Variants in KCNA6 observed in about 807,000 individuals in gnomAD.
KCNA6 encodes human brain potassium channel-2.
Under a neutral mutation model 29.5 loss-of-function variants are expected in KCNA6, and 17 were observed. That is an observed-to-expected ratio of 0.58 (90% CI 0.39 to 0.86). The LOEUF (loss-of-function observed/expected upper bound fraction) is 0.86. Among genes scored for constraint, KCNA6 ranks in the 40% least tolerant of loss-of-function variants. The pLI is 0.00. For missense variants in KCNA6, 450 were observed against 703.4 expected (o/e 0.64, Z 4.07); for synonymous variants, 296 against 304.7 (o/e 0.97, Z 0.30).
the KCNA6 span, among the ~76,000 whole-genome samples, chr12:4,847,307 G>C: frequency 2.0e-5 from 3 of 152,062 alleles, no homozygotes; most frequent in African/African-American, 7.2e-5. Context: ...TGGGCACTCT[G>C]GGTCTGGAAA....
chr12:4,817,330 C>T (rs548006577), downstream of KCNA6, among the ~76,000 whole-genome samples: 6 of 152,268 alleles, frequency 3.9e-5, no homozygotes, highest in Non-Finnish European at 5.9e-5. Flanking sequence ...ACATAGGCCG[C>T]GGGGAAGAAA....
At chr12:4,849,437 G>C in the KCNA6 span, among the ~76,000 whole-genome samples, 1 of 149,904 alleles carries the variant, frequency 6.7e-6, no homozygotes, top group Admixed American at 6.6e-5. Flanking sequence ...CATTTGCTAA[G>C]GTGTTACCTT....
the KCNA6 span, among the ~76,000 whole-genome samples, chr12:4,849,489 CT>C: frequency 2.6e-3 from 267 of 101,402 alleles, 2 homozygotes; most frequent in African/African-American, 3.1e-3. Flanking sequence ...GATTTTTGCT[CT>C]TTTTTTTTTT....
chr12:4,837,318 C>T, the KCNA6 span, among the ~76,000 whole-genome samples: 1 of 152,184 alleles, frequency 6.6e-6, no homozygotes, highest in African/African-American at 2.4e-5. Flanking sequence ...TGTAATAAAC[C>T]CATAAATGTA....
chr12:4,811,959 A>T lies in KCNA6; in HGVS notation c.*328A>T. ...TCATGTCTGGGACTTACAATATCTC[A>T]AGGAACAGCAATGTCAACAGGATGG... On this transcript the variant is annotated 3_prime_UTR_variant, in exon 1 of 1. Transcript: ENST00000280684. This position sits in a 1 kb window ranked among gnomAD's most constrained non-coding sequence, Gnocchi z 7.1. 3.5e-6 allele frequency: 1 copy of T among 286,884 alleles called. No individual in the cohort carries two copies. The highest frequency in any genetic ancestry group is 6.9e-6 in the Non-Finnish European group (1 of 144,018). 17.8% of individuals were successfully genotyped at this position (286,884 alleles called of 1,614,324 possible). A position where few individuals can be genotyped will look rare whatever the true frequency, so the allele number is the denominator to read the frequency against.
the KCNA6 span, chr12:4,850,642 A>C: frequency 2.9e-6 from 1 of 343,836 alleles, no homozygotes; most frequent in East Asian, 7.7e-5. The surrounding 1 kb of genome is among the most constrained non-coding windows in gnomAD (Gnocchi z 5.4). Context: ...GTGAGGAAGG[A>C]CACTGGTGTG....
chr12:4,840,686 A>G, the KCNA6 span, among the ~76,000 whole-genome samples: 3 of 152,236 alleles, frequency 2.0e-5, no homozygotes, highest in Admixed American at 6.5e-5. Context: ...GGTCAGTGGT[A>G]CACACTGGGT....
At chr12:4,844,037 C>CA in the KCNA6 span, among the ~76,000 whole-genome samples, 2 of 152,178 alleles carry the variant, frequency 1.3e-5, no homozygotes, top group Non-Finnish European at 2.9e-5. This position sits in a 1 kb window ranked among gnomAD's most constrained non-coding sequence, Gnocchi z 4.0. Context: ...AGGGGGACCA[C>CA]TTTCAATTAT....
At chr12:4,826,390 G>A in the KCNA6 span, among the ~76,000 whole-genome samples, 3 of 152,320 alleles carry the variant, frequency 2.0e-5, no homozygotes, top group Non-Finnish European at 2.9e-5. Context: ...AGAGGCAAAA[G>A]CAGAAAGGAG....
At chr12:4,826,528 A>T in the KCNA6 span, among the ~76,000 whole-genome samples, 3 of 152,186 alleles carry the variant, frequency 2.0e-5, no homozygotes, top group Non-Finnish European at 4.4e-5. Flanking sequence ...GTGGGTGAGG[A>T]TTGCATCCAA....
At chr12:4,809,854 G>C in exon 1 of KCNA6, 1 of 631,188 alleles carries the variant, frequency 1.6e-6, no homozygotes, top group South Asian at 2.6e-5. Flanking sequence ...CACCTCCCCA[G>C]ACCCAGCCTT....
chr12:4,822,964 G>A, the KCNA6 span, among the ~76,000 whole-genome samples: 3 of 152,206 alleles, frequency 2.0e-5, no homozygotes, highest in Non-Finnish European at 4.4e-5. Context: ...CGTAGATTTG[G>A]AACCATGCCC....
Position 4,810,763 on chromosome 12 carries a change from G to C in KCNA6, c.722G>C (p.Gly241Ala), listed in dbSNP as rs374946304. ...ACATTTCATCATGGCATCACCCCTG[G>C]GGAAATGGGGACCGGGGGCTCCTCC... Residue 241 changes from glycine (G) to alanine (A), a missense_variant, in exon 1 of 1, where the codon GGG (glycine) becomes GCG (alanine). Around this residue, in one of 7 missense-constraint regions of KCNA6, gnomAD observed 74 missense variants for 71.5 expected, o/e 1.03. Coordinates refer to ENST00000280684, the Ensembl canonical transcript of KCNA6. This position sits in a 1 kb window ranked among gnomAD's most constrained non-coding sequence, Gnocchi z 7.5. The C allele has an allele frequency of 6.2e-6, 10 of 1,601,166 alleles. No individual in the cohort carries two copies. The highest frequency in any genetic ancestry group is 8.5e-6 in the Non-Finnish European group (10 of 1,173,844).
the KCNA6 span, among the ~76,000 whole-genome samples, chr12:4,826,427 T>A: frequency 1.3e-5 from 2 of 152,234 alleles, no homozygotes; most frequent in African/African-American, 2.4e-5. Flanking sequence ...TGTTGTTGCC[T>A]TTGTACCGAT....
At chr12:4,823,763 T>C in the KCNA6 span, among the ~76,000 whole-genome samples, 1 of 152,074 alleles carries the variant, frequency 6.6e-6, no homozygotes, top group African/African-American at 2.4e-5. Flanking sequence ...CGAGACTCCA[T>C]CTCAAATAAA....
the KCNA6 span, among the ~76,000 whole-genome samples, chr12:4,845,162 A>G: frequency 6.6e-6 from 1 of 152,076 alleles, no homozygotes. Context: ...CCTGGGCTAT[A>G]TGTTGCTTCT....
the KCNA6 span, among the ~76,000 whole-genome samples, chr12:4,850,283 A>G: frequency 7.8e-6 from 1 of 128,956 alleles, no homozygotes; most frequent in Non-Finnish European, 1.7e-5. The surrounding 1 kb of genome is among the most constrained non-coding windows in gnomAD (Gnocchi z 5.4). Context: ...ACGCTGGTGC[A>G]GGCTGAGGGT....
chr12:4,842,049 G>GTGTT, the KCNA6 span, among the ~76,000 whole-genome samples: 59 of 151,068 alleles, frequency 3.9e-4, no homozygotes, highest in African/African-American at 1.4e-3. Context: ...GTGTGTGTGT[G>GTGTT]TGTGTGTGTG....
chr12:4,811,827 T>C lies in KCNA6; in HGVS notation c.*196T>C. The C allele has an allele frequency of 1.6e-6, 1 of 623,872 alleles. No individual in the cohort carries two copies. Among genetic ancestry groups the C allele is most frequent in the African/African-American group, 1.8e-5 (1 of 54,372 alleles). 38.6% of individuals were successfully genotyped at this position (623,872 alleles called of 1,614,324 possible). Reference sequence around the variant, plus strand: ...CCCTGCAGCATTCAAGGTTAATCCATCTAAGTGACATTTTTGAAATTCCAG... The same window carrying C: ...CCCTGCAGCATTCAAGGTTAATCCACCTAAGTGACATTTTTGAAATTCCAG... On this transcript the variant is annotated 3_prime_UTR_variant, in exon 1 of 1. Transcript: ENST00000280684. The surrounding 1 kb of genome is among the most constrained non-coding windows in gnomAD (Gnocchi z 7.1).
Sources: allele counts gnomAD v4.1 joint callset (sites outside exome capture counted in the v4.1 genomes callset), GRCh38; gene constraint gnomAD v4.1.1; regional missense constraint gnomAD v4.1.1; non-coding constraint Gnocchi (gnomAD v3.1); transcripts MANE v1.5; gene names NCBI Gene and HGNC (gene_info 2026-07-23, HGNC 2026-07-21).